SYN2: variants seen among roughly 807,000 people sequenced by gnomAD.
The protein encoded by SYN2 is synapsin-2.
In SYN2, 19 loss-of-function variants were observed where a neutral mutation model predicts 50.9. The observed-to-expected ratio is 0.37, with a 90% confidence interval of 0.26 to 0.55. The LOEUF is 0.55. Ranked by LOEUF, SYN2 falls within the 20% of genes least tolerant of loss-of-function variation. The probability of loss-of-function intolerance (pLI) is 0.81; values close to 1 mark genes in which losing one functional copy is unlikely to be tolerated. For synonymous variants in SYN2, 255 were observed against 224.9 expected (o/e 1.13, Z -1.20); for missense variants, 587 against 576.4 (o/e 1.02, Z -0.19).
At chr3:12,049,539 A>AAATAAAG (rs1195914685) in intron 1 of SYN2, among the ~76,000 whole-genome samples, 1 of 151,746 alleles carries the variant, frequency 6.6e-6, no homozygotes, top group African/African-American at 2.4e-5. Flanking sequence ...AAATAATAAA[A>AAATAAAG]AATAAAAAAA....
intron 10 of SYN2, among the ~76,000 whole-genome samples, chr3:12,172,688 G>A (rs1441754383): frequency 6.6e-6 from 1 of 152,184 alleles, no homozygotes; most frequent in East Asian, 1.9e-4. Flanking sequence ...TGATCACCTG[G>A]TTGAACTCAG....
At chr3:12,158,771 G>T in intron 5 of SYN2, 12 of 1,605,830 alleles carry the variant, frequency 7.5e-6, no homozygotes, top group Non-Finnish European at 1.0e-5. Context: ...CCCAGCCCCG[G>T]GGGCCGCAGC....
intron 5 of SYN2, chr3:12,158,511 G>T (rs1264337963): frequency 9.6e-6 from 7 of 730,850 alleles, no homozygotes; most frequent in Admixed American, 3.2e-5. Flanking sequence ...ATTTCCTTAT[G>T]AATCAGTCAG....
intron 5 of SYN2, among the ~76,000 whole-genome samples, chr3:12,155,224 A>T (rs1423393479): frequency 6.6e-6 from 1 of 152,238 alleles, no homozygotes; most frequent in Non-Finnish European, 1.5e-5. Context: ...AGATATAAAA[A>T]TGACAGGATC....
At chr3:12,135,595 A>G (rs1696879998) in intron 1 of SYN2, among the ~76,000 whole-genome samples, 1 of 152,200 alleles carries the variant, frequency 6.6e-6, no homozygotes, top group Admixed American at 6.5e-5. Context: ...GGGAGGATTT[A>G]TACTCTAGGC....
intron 5 of SYN2, among the ~76,000 whole-genome samples, chr3:12,158,235 G>T (rs1038669462): frequency 7.2e-5 from 11 of 152,218 alleles, no homozygotes; most frequent in African/African-American, 2.4e-4. Flanking sequence ...GAATTTAAGG[G>T]TGTGAGGGAG....
intron 1 of SYN2, among the ~76,000 whole-genome samples, chr3:12,035,110 G>A (rs1479045356): frequency 6.6e-6 from 1 of 152,164 alleles, no homozygotes; most frequent in Non-Finnish European, 1.5e-5. Flanking sequence ...CAAGAAAAAG[G>A]GGTGACAGGT....
chr3:12,184,199 T>A (rs1156523721), intron 11 of SYN2: 1 of 985,568 alleles, frequency 1.0e-6, no homozygotes, highest in Non-Finnish European at 1.2e-6. Context: ...TATTATTAAC[T>A]AATTAACTAT....
chr3:12,024,448 C>T (rs953132258), intron 1 of SYN2, among the ~76,000 whole-genome samples: 1 of 152,062 alleles, frequency 6.6e-6, no homozygotes, highest in Non-Finnish European at 1.5e-5. Flanking sequence ...ATCTTGACTT[C>T]TTCTCCCTGA....
intron 1 of SYN2, among the ~76,000 whole-genome samples, chr3:12,005,420 C>T (rs1396654169): frequency 6.6e-6 from 1 of 151,654 alleles, no homozygotes; most frequent in Non-Finnish European, 1.5e-5. Context: ...TAACCAGGAC[C>T]CATGAAGGCT....
chr3:12,141,807 T>C (rs1697025290), intron 2 of SYN2, 98 bp from the exon 3 acceptor site: 2 of 711,730 alleles, frequency 2.8e-6, no homozygotes, highest in East Asian at 2.5e-5. Context: ...TTTTGAAAAC[T>C]GTATATAAAT....
chr3:12,061,301 G>A (rs937765692), intron 1 of SYN2, among the ~76,000 whole-genome samples: 2 of 152,102 alleles, frequency 1.3e-5, no homozygotes, highest in Non-Finnish European at 2.9e-5. Flanking sequence ...TATATGGTAA[G>A]ATATTTGAAG....
chr3:12,168,577 A>G, intron 9 of SYN2, 99 bp downstream of exon 9: 1 of 1,018,920 alleles, frequency 9.8e-7, no homozygotes, highest in Non-Finnish European at 1.5e-6. Flanking sequence ...AACCATGGAA[A>G]TGTTCCAGCA....
chr3:12,015,086 T>G (rs1693999439), intron 1 of SYN2, among the ~76,000 whole-genome samples: 1 of 152,216 alleles, frequency 6.6e-6, no homozygotes, highest in Admixed American at 6.5e-5. Context: ...ATAGAGTTAA[T>G]TGAATGTGCC....
chr3:12,129,763 A>C (rs146777318), intron 1 of SYN2, among the ~76,000 whole-genome samples: 1 of 152,248 alleles, frequency 6.6e-6, no homozygotes, highest in East Asian at 1.9e-4. Context: ...GAATCAAGAA[A>C]TAGGTCTTTA....
chr3:12,011,447 C>G (rs1693910028), intron 1 of SYN2, among the ~76,000 whole-genome samples: 1 of 152,130 alleles, frequency 6.6e-6, no homozygotes, highest in Non-Finnish European at 1.5e-5. Context: ...ATAAAGTGAG[C>G]AGATACCACA....
chr3:12,182,353 T>C (rs1253619475), intron 10 of SYN2, among the ~76,000 whole-genome samples: 1 of 152,212 alleles, frequency 6.6e-6, no homozygotes, highest in Non-Finnish European at 1.5e-5. Context: ...GACATCACCG[T>C]TGGCACACTT....
chr3:12,055,185 T>C lies in SYN2; in HGVS notation c.377+50257T>C, dbSNP rs772262862. Reference sequence around the variant, plus strand: ...CACATTTCAAAAAGATATAGAATGATCTTTGACTATAATGAAATTAGAAGT... The same window carrying C: ...CACATTTCAAAAAGATATAGAATGACCTTTGACTATAATGAAATTAGAAGT... On this transcript the variant is annotated intron_variant, in intron 1 of 12. Coordinates refer to ENST00000621198, the MANE Select transcript of SYN2 (RefSeq NM_133625.6). 5.0e-4 allele frequency among the ~76,000 whole-genome samples: 76 copies of C among 152,230 alleles called. 1 individual carries two copies. The highest frequency in any genetic ancestry group is 1.6e-3 in the African/African-American group (68 of 41,582).
chr3:12,088,699 A>G lies in SYN2; in HGVS notation c.378-51952A>G, dbSNP rs2083667. ...TAGTATATATACACAATGGAATACTATACAGCATTTACAAAGAAGGAATTT... is the reference window on the plus strand; with the variant it reads ...TAGTATATATACACAATGGAATACTGTACAGCATTTACAAAGAAGGAATTT... On this transcript the variant is annotated intron_variant, in intron 1 of 12. Transcript: ENST00000621198. Among the ~76,000 whole-genome samples the G allele has an allele frequency of 4.5e-3, 678 of 152,352 alleles. 6 individuals carry two copies. Among genetic ancestry groups the G allele is most frequent in the African/African-American group, 0.016 (652 of 41,578 alleles).
Sources: allele counts gnomAD v4.1 joint callset (sites outside exome capture counted in the v4.1 genomes callset), GRCh38; gene constraint gnomAD v4.1.1; transcripts MANE v1.5; gene names NCBI Gene and HGNC (gene_info 2026-07-23, HGNC 2026-07-21).